PRKCQ: variants seen among roughly 807,000 people sequenced by gnomAD.
PRKCQ encodes the protein protein kinase C theta.
Under a neutral mutation model 91.2 loss-of-function variants are expected in PRKCQ, and 41 were observed. The observed-to-expected ratio is 0.45, with a 90% confidence interval of 0.35 to 0.58. The LOEUF is 0.58. PRKCQ is among the 20% of genes least tolerant of loss of function. The pLI is 0.00. For missense variants in PRKCQ, 673 were observed against 896.5 expected, an observed-to-expected ratio of 0.75 and a Z score of 3.18; for synonymous variants, 307 against 316.9, an observed-to-expected ratio of 0.97 and a Z score of 0.33.
At chr10:6,521,932 T>TATTTATTTATTTATTC (rs1480623400) in intron 1 of PRKCQ, among the ~76,000 whole-genome samples, 8 of 150,528 alleles carry the variant, frequency 5.3e-5, no homozygotes, top group Non-Finnish European at 7.4e-5. Context: ...GTTATTTATT[T>TATTTATTTATTTATTC]ATTTATTTAT....
At chr10:6,573,122 A>C (rs969954802) in intron 1 of PRKCQ, among the ~76,000 whole-genome samples, 2 of 152,190 alleles carry the variant, frequency 1.3e-5, no homozygotes, top group African/African-American at 4.8e-5. Context: ...AATGCATCTT[A>C]ATATTTTCTG....
the PRKCQ span, among the ~76,000 whole-genome samples, chr10:6,403,901 CATTT>C: frequency 2.0e-5 from 3 of 152,070 alleles, no homozygotes; most frequent in Non-Finnish European, 4.4e-5. Flanking sequence ...CACACACACT[CATTT>C]ATTTCCTCCT....
rs1486118116 is a variant in PRKCQ, at chr10:6,511,088, T to C, written c.225A>G (p.Lys75=). 6.2e-7 allele frequency: 1 copy of C among 1,614,152 alleles called. No individual in the cohort carries two copies. The highest frequency in any genetic ancestry group is 2.2e-5 in the East Asian group (1 of 44,876). ...CAGAGATGAGGTCCACGTTTTTGCC[T>C]TTCACAATGATCTGCATGACTCTTC... ...NKGRVMQIIV[K]GKNVDLISET... The change falls in exon 3 of 18, where the codon AAA becomes AAG. Residue 75 remains lysine, a synonymous_variant. Transcript: ENST00000263125.
intron 3 of PRKCQ, 40 bp downstream of exon 3, chr10:6,510,955 A>C: frequency 6.2e-7 from 1 of 1,610,834 alleles, no homozygotes; most frequent in Non-Finnish European, 8.5e-7. Context: ...GGCTACCATC[A>C]TGCTTATCCC....
chr10:6,479,769 A>C (rs1431234343), intron 11 of PRKCQ, among the ~76,000 whole-genome samples: 2 of 70,034 alleles, frequency 2.9e-5, no homozygotes, highest in African/African-American at 1.4e-4. Context: ...GTCTCGACTA[A>C]AAAAAAAAAA....
chr10:6,504,672 G>A (rs1291700920), intron 4 of PRKCQ, among the ~76,000 whole-genome samples: 1 of 152,132 alleles, frequency 6.6e-6, no homozygotes, highest in Non-Finnish European at 1.5e-5. Flanking sequence ...CTGAGGAGAA[G>A]AACACGTTTT....
At chr10:6,514,962 G>A (rs1838677775) in intron 2 of PRKCQ, 56 bp downstream of exon 2, 1 of 1,610,104 alleles carries the variant, frequency 6.2e-7, no homozygotes, top group Non-Finnish European at 8.5e-7. Flanking sequence ...TTCATACACA[G>A]TTCATAGCAG....
At chr10:6,514,768 C>T (rs993352922) in intron 2 of PRKCQ, among the ~76,000 whole-genome samples, 1 of 152,170 alleles carries the variant, frequency 6.6e-6, no homozygotes, top group African/African-American at 2.4e-5. Context: ...CTTTCTCTTT[C>T]CCTTTGTATA....
At chr10:6,435,305 G>A (rs677986) in intron 16 of PRKCQ, among the ~76,000 whole-genome samples, 114,235 of 152,146 alleles carry the variant, frequency 0.75, 43,017 homozygotes, top group South Asian at 0.87. Flanking sequence ...CAGCTTTTCC[G>A]GAGGACCTAT....
chr10:6,488,580 C>T (rs768989083), intron 8 of PRKCQ, among the ~76,000 whole-genome samples: 8 of 152,078 alleles, frequency 5.3e-5, no homozygotes, highest in Admixed American at 1.3e-4. Flanking sequence ...GACAGGGTTT[C>T]GCCATGTTGG....
intron 16 of PRKCQ, among the ~76,000 whole-genome samples, chr10:6,433,555 A>G (rs1833523260): frequency 6.6e-6 from 1 of 152,166 alleles, no homozygotes; most frequent in Admixed American, 6.5e-5. Flanking sequence ...CAGCATAGAA[A>G]AGAAGCACCA....
intron 16 of PRKCQ, among the ~76,000 whole-genome samples, chr10:6,437,328 ATC>A (rs149249139): frequency 3.2e-4 from 48 of 149,998 alleles, no homozygotes; most frequent in Non-Finnish European, 3.9e-4. Context: ...ACCAGAGTTT[ATC>A]TCTCTCTCTC....
At chr10:6,469,960 TC>T (rs1835871330) in intron 12 of PRKCQ, among the ~76,000 whole-genome samples, 1 of 152,238 alleles carries the variant, frequency 6.6e-6, no homozygotes, top group Non-Finnish European at 1.5e-5. Flanking sequence ...CTCCCTCTTG[TC>T]TGGTTTCTCC....
Position 6,574,167 on chromosome 10 carries a change from C to T in PRKCQ, c.-10+6044G>A, listed in dbSNP as rs532141234. Among the ~76,000 whole-genome samples the T allele has an allele frequency of 2.0e-5, 3 of 152,290 alleles. No individual in the cohort carries two copies. The South Asian group carries it at 6.2e-4, about 32-fold the overall frequency. ...ACCCCTGGCTGTCTTGTTGTCTTTC[C>T]CTCCTAGTTGTTCATGAATTAAGTG... On this transcript the variant is annotated intron_variant, in intron 1 of 17. Transcript: ENST00000263125.
At chr10:6,423,832 C>G (rs1233877631), downstream of PRKCQ, among the ~76,000 whole-genome samples, 1 of 152,142 alleles carries the variant, frequency 6.6e-6, no homozygotes, top group African/African-American at 2.4e-5. Context: ...TACCTAAGTC[C>G]AGTTAATCCT....
At chr10:6,432,304 T>C (rs939467687) in intron 16 of PRKCQ, among the ~76,000 whole-genome samples, 1 of 152,240 alleles carries the variant, frequency 6.6e-6, no homozygotes, top group Non-Finnish European at 1.5e-5. Flanking sequence ...ATCTGAGTAC[T>C]TGAAAATCTT....
At chr10:6,509,721 T>C (rs112112432) in intron 3 of PRKCQ, among the ~76,000 whole-genome samples, 3,789 of 152,320 alleles carry the variant, frequency 0.025, 68 homozygotes, top group East Asian at 0.082. Context: ...AGGAACCCTT[T>C]TCCCAAGCCA....
intron 1 of PRKCQ, among the ~76,000 whole-genome samples, chr10:6,549,912 G>A (rs1334618578): frequency 6.6e-6 from 1 of 151,782 alleles, no homozygotes; most frequent in South Asian, 2.1e-4. Flanking sequence ...GATTACAGGC[G>A]TGAGCCACCG....
chr10:6,429,223 G>A (rs940904645), intron 17 of PRKCQ, among the ~76,000 whole-genome samples: 7 of 152,204 alleles, frequency 4.6e-5, no homozygotes, highest in African/African-American at 1.7e-4. Flanking sequence ...GGTAAGCTTA[G>A]ATCAAAGTTT....
Sources: allele counts gnomAD v4.1 joint callset (sites outside exome capture counted in the v4.1 genomes callset), GRCh38; gene constraint gnomAD v4.1.1; transcripts MANE v1.5; gene names NCBI Gene and HGNC (gene_info 2026-07-23, HGNC 2026-07-21).